Variants in BRSK1 observed in about 807,000 individuals in gnomAD.
BRSK1 encodes the protein BR serine/threonine kinase 1.
A neutral mutation model predicts 86.2 loss-of-function variants in BRSK1; 17 were observed. That is an observed-to-expected ratio of 0.20 (90% CI 0.14 to 0.30). The LOEUF (loss-of-function observed/expected upper bound fraction) is 0.30. BRSK1 is among the 10% of genes least tolerant of loss of function. BRSK1 has a pLI of 1.00. For synonymous variants in BRSK1, 464 were observed against 440.1 expected (o/e 1.05, Z -0.68); for missense variants, 719 against 1,071.9 (o/e 0.67, Z 4.60).
In BRSK1 at chr19:55,294,002, A is replaced by G. The variant is rs577597293; in HGVS notation, c.459-15A>G. The G allele has an allele frequency of 2.1e-5, 33 of 1,602,422 alleles. No homozygotes were observed. In the South Asian group the frequency reaches 3.7e-4, roughly 18 times the overall value. ...GGAGGAAGGAAGAGGCCTGAGTCCC[A>G]CCTGGCTGTCTCAGCCACAGAGACC... On this transcript the variant is annotated splice_polypyrimidine_tract_variant and intron_variant, in intron 4 of 18. Coordinates refer to ENST00000309383, the MANE Select transcript of BRSK1 (RefSeq NM_032430.2). This position sits in a 1 kb window ranked among gnomAD's most constrained non-coding sequence, Gnocchi z 4.9.
chr19:55,292,074 C>T lies in BRSK1; in HGVS notation c.459-1943C>T, dbSNP rs1217514274. Among the ~76,000 whole-genome samples, 5 of 152,026 alleles carry T rather than the reference C, an allele frequency of 3.3e-5. 1 individual carries two copies. Among genetic ancestry groups the T allele is most frequent in the African/African-American group, 9.7e-5 (4 of 41,414 alleles). ...CGCACCCGGCCCTGTTTAAATTTTC[C>T]ACACCTTCCTGTTGACAAGATTGTC... On this transcript the variant is annotated intron_variant, in intron 4 of 18. Coordinates refer to ENST00000309383, the MANE Select transcript of BRSK1 (RefSeq NM_032430.2).
rs1039950260 is a variant in BRSK1, at chr19:55,306,396, C to T, written c.2035C>T (p.Arg679Trp). The T allele has an allele frequency of 5.6e-6, 9 of 1,613,942 alleles. No individual in the cohort carries two copies. The highest frequency in any genetic ancestry group is 1.3e-5 in the African/African-American group (1 of 75,056). Residue 679 changes from arginine (R) to tryptophan (W), a missense_variant, in exon 17 of 19, where the codon CGG (arginine) becomes TGG (tryptophan). Coordinates refer to ENST00000309383, the MANE Select transcript of BRSK1 (RefSeq NM_032430.2). The surrounding 1 kb of genome is among the most constrained non-coding windows in gnomAD (Gnocchi z 4.7). ...TGAGGGTCCAGAGCCCTCCCCGCGACGGGACGGCAGCGGAGGTGGTGGCAT... is the reference window on the plus strand; with the variant it reads ...TGAGGGTCCAGAGCCCTCCCCGCGATGGGACGGCAGCGGAGGTGGTGGCAT... ...SSEGPEPSPR[R>W]DGSGGGGIYS...
At position 55,294,528 on chromosome 19, in the gene BRSK1, G is replaced by A; in HGVS notation, c.678+131G>A. On this transcript the variant is annotated intron_variant, in intron 7 of 18. Transcript: ENST00000309383. The surrounding 1 kb of genome is among the most constrained non-coding windows in gnomAD (Gnocchi z 4.9). ...TTTTATTTATTTATTTTGAGACAGA[G>A]TCTTGCCCCGTCGCCTAGGCTGGAG... 2.6e-6 allele frequency: 3 copies of A among 1,172,246 alleles called. No individual in the cohort carries two copies. The highest frequency in any genetic ancestry group is 2.3e-5 in the Admixed American group (1 of 43,100). 72.6% of individuals were successfully genotyped at this position (1,172,246 alleles called of 1,614,324 possible). A position where few individuals can be genotyped will look rare whatever the true frequency, so the allele number is the denominator to read the frequency against.
intron 7 of BRSK1, among the ~76,000 whole-genome samples, chr19:55,298,209 C>CTTTTTTTT (rs71181751): frequency 1.1e-3 from 78 of 69,632 alleles, no homozygotes; most frequent in East Asian, 2.3e-3. Flanking sequence ...TTTGTTTCTT[C>CTTTTTTTT]TTTTTTTTTT....
In BRSK1 at chr19:55,284,323, A is replaced by T; in HGVS notation, c.-120A>T. 1 of 807,896 alleles carries T rather than the reference A, an allele frequency of 1.2e-6. No homozygotes were observed. Among genetic ancestry groups the T allele is most frequent in the Non-Finnish European group, 1.7e-6 (1 of 605,094 alleles). 50.0% of individuals were successfully genotyped at this position (807,896 alleles called of 1,614,324 possible). On this transcript the variant is annotated 5_prime_UTR_variant, in exon 1 of 19. Coordinates refer to ENST00000309383, the MANE Select transcript of BRSK1 (RefSeq NM_032430.2). Reference sequence around the variant, plus strand: ...AGCCCAGCCCCCTGGGGACCCCCGGAGAGGTGGGGGGCAGCCGGGGGGGCC... The same window carrying T: ...AGCCCAGCCCCCTGGGGACCCCCGGTGAGGTGGGGGGCAGCCGGGGGGGCC...
chr19:55,298,220 T>C (rs2088519077), intron 7 of BRSK1, among the ~76,000 whole-genome samples: 2 of 142,218 alleles, frequency 1.4e-5, no homozygotes, highest in African/African-American at 5.1e-5. Context: ...TTTTTTTTTT[T>C]TTTTTTTTTT....
intron 7 of BRSK1, among the ~76,000 whole-genome samples, chr19:55,296,931 G>A (rs1010748371): frequency 5.9e-5 from 9 of 152,114 alleles, no homozygotes; most frequent in African/African-American, 2.2e-4. Context: ...TGGGAAGATT[G>A]CTTGAGCCCT....
chr19:55,296,218 G>A (rs17782355), intron 7 of BRSK1, among the ~76,000 whole-genome samples: 4,354 of 151,972 alleles, frequency 0.029, 89 homozygotes, highest in Middle Eastern at 0.075. Context: ...CAGAGTTGTC[G>A]CTGTGCATTT....
chr19:55,311,546 G>T (rs942071111), intron 18 of BRSK1, among the ~76,000 whole-genome samples: 1 of 152,154 alleles, frequency 6.6e-6, no homozygotes, highest in Non-Finnish European at 1.5e-5. Context: ...GGCCCCTCTT[G>T]CTGTGAACGT....
In BRSK1 at chr19:55,304,000, T is replaced by C. The variant is rs998429128; in HGVS notation, c.1287-50T>C. ...AGAAGTGAGGGAACATCTGTGGTTT[T>C]TGAAACCCTCCCATCTGATTTTTTT... On this transcript the variant is annotated intron_variant, in intron 12 of 18. Transcript: ENST00000309383. This position sits in a 1 kb window ranked among gnomAD's most constrained non-coding sequence, Gnocchi z 5.1. The C allele has an allele frequency of 1.3e-6, 2 of 1,565,914 alleles. No individual in the cohort carries two copies. Among genetic ancestry groups the C allele is most frequent in the Non-Finnish European group, 1.7e-6 (2 of 1,158,974 alleles).
rs1319536121 is a variant in BRSK1 at position 55,284,287 on chromosome 19, T to TG, written c.-148dup. On this transcript the variant is annotated 5_prime_UTR_variant, in exon 1 of 19. Transcript: ENST00000309383. Reference sequence around the variant, plus strand: ...TCCCCCAGCTCCGCGGCCCGCCGACTGGGGGGGGCCAGCCCAGCCCCCTGG... The same window carrying TG: ...TCCCCCAGCTCCGCGGCCCGCCGACTGGGGGGGGGCCAGCCCAGCCCCCTGG... 9.7e-4 allele frequency: 554 copies of TG among 570,076 alleles called. No individual in the cohort carries two copies. The highest frequency in any genetic ancestry group is 2.8e-3 in the Middle Eastern group (5 of 1,782). The allele number at this position is 570,076 out of a possible 1,614,324, so 35.3% of individuals were successfully genotyped here.
rs746938937 is a variant in BRSK1, at chr19:55,293,997, G to A, written c.459-20G>A. On this transcript the variant is annotated intron_variant, in intron 4 of 18. Transcript: ENST00000309383. ...TCCTGGGAGGAAGGAAGAGGCCTGA[G>A]TCCCACCTGGCTGTCTCAGCCACAG... 7 of 1,599,782 alleles carry A rather than the reference G, an allele frequency of 4.4e-6. No individual in the cohort carries two copies. Among genetic ancestry groups the A allele is most frequent in the Admixed American group, 3.4e-5 (2 of 59,368 alleles).
At chr19:55,301,484 T>G in intron 7 of BRSK1, 28 bp from the exon 8 acceptor site, 1 of 1,610,206 alleles carries the variant, frequency 6.2e-7, no homozygotes, top group South Asian at 1.1e-5. Flanking sequence ...AATGTGCTAA[T>G]GAGGGGTCCT....
rs45508100 is a variant in BRSK1, at chr19:55,303,447, C to T, written c.1126+39C>T. 122 of 1,597,202 alleles carry T rather than the reference C, an allele frequency of 7.6e-5. No individual in the cohort carries two copies. The highest frequency in any genetic ancestry group is 9.7e-5 in the Non-Finnish European group (113 of 1,165,042). ...GCTAGGGGACCAGACACCTGGGTCTCGAGATTGGAAGAGGCTGGCCACGGG... is the reference window on the plus strand; with the variant it reads ...GCTAGGGGACCAGACACCTGGGTCTTGAGATTGGAAGAGGCTGGCCACGGG... On this transcript the variant is annotated intron_variant, in intron 11 of 18. Coordinates refer to ENST00000309383, the MANE Select transcript of BRSK1 (RefSeq NM_032430.2). This position sits in a 1 kb window ranked among gnomAD's most constrained non-coding sequence, Gnocchi z 5.1.
chr19:55,305,211 G>A, intron 14 of BRSK1, 110 bp from the exon 15 acceptor site: 1 of 1,440,234 alleles, frequency 6.9e-7, no homozygotes, highest in Non-Finnish European at 9.6e-7. Flanking sequence ...CTTGGCCGAG[G>A]CTGCAACCCA....
At chr19:55,289,424 G>A (rs1343708551) in intron 3 of BRSK1, 56 bp from the exon 4 acceptor site, 4 of 1,558,638 alleles carry the variant, frequency 2.6e-6, no homozygotes, top group Admixed American at 2.0e-5. Context: ...GGGAGACCAG[G>A]CCCTTTGGTC....
chr19:55,312,069 C>A lies in BRSK1; in HGVS notation c.*1C>A, dbSNP rs2088813079. The A allele has an allele frequency of 1.4e-6, 2 of 1,419,496 alleles. No individual in the cohort carries two copies. The highest frequency in any genetic ancestry group is 1.8e-6 in the Non-Finnish European group (2 of 1,083,398). 87.9% of individuals were successfully genotyped at this position (1,419,496 alleles called of 1,614,324 possible). ...CACCAACGGGACCCCTCTGCCCTGA[C>A]CCCACGGGGCCGGGGAGGGAGGGGA... On this transcript the variant is annotated 3_prime_UTR_variant, in exon 19 of 19. Coordinates refer to ENST00000309383, the MANE Select transcript of BRSK1 (RefSeq NM_032430.2).
chr19:55,286,436 C>G (rs1287355709), intron 1 of BRSK1, among the ~76,000 whole-genome samples: 1 of 149,308 alleles, frequency 6.7e-6, no homozygotes, highest in Non-Finnish European at 1.5e-5. Context: ...AGAGAAGACC[C>G]AGGAAGGCAG....
chr19:55,305,169 C>T, intron 14 of BRSK1, 152 bp from the exon 15 acceptor site: 3 of 1,202,500 alleles, frequency 2.5e-6, no homozygotes, highest in Non-Finnish European at 1.2e-6. Flanking sequence ...CCCATTGGCC[C>T]GTGGTTTGTG....
Sources: allele counts gnomAD v4.1 joint callset (sites outside exome capture counted in the v4.1 genomes callset), GRCh38; gene constraint gnomAD v4.1.1; non-coding constraint Gnocchi (gnomAD v3.1); transcripts MANE v1.5; gene names NCBI Gene and HGNC (gene_info 2026-07-23, HGNC 2026-07-21).